XPR1: variants seen among roughly 807,000 people sequenced by gnomAD.
XPR1 encodes the protein solute carrier family 53 member 1.
XPR1 carries 28 observed loss-of-function variants against 87.5 expected under a neutral mutation model. The ratio of observed to expected loss-of-function variants is 0.32; its 90% confidence interval spans 0.24 to 0.44. XPR1 has a LOEUF of 0.44. XPR1 is among the 20% of genes least tolerant of loss of function. XPR1 has a pLI of 1.00. For synonymous variants in XPR1, 300 were observed against 306.1 expected (o/e 0.98, Z 0.21); for missense variants, 559 against 862.3 (o/e 0.65, Z 4.41).
chr1:180,753,029 A>G (rs137929331), intron 2 of XPR1, among the ~76,000 whole-genome samples: 1 of 152,352 alleles, frequency 6.6e-6, no homozygotes, highest in Non-Finnish European at 1.5e-5. Flanking sequence ...TTAGCCATAC[A>G]TCATGTAGAA....
chr1:180,882,765 C>T (rs1177012046), intron 14 of XPR1, among the ~76,000 whole-genome samples: 1 of 152,116 alleles, frequency 6.6e-6, no homozygotes, highest in Admixed American at 6.5e-5. Flanking sequence ...TTTGGGCTCT[C>T]TCACATAACT....
chr1:180,761,539 A>G (rs1648032136), intron 2 of XPR1, among the ~76,000 whole-genome samples: 1 of 152,218 alleles, frequency 6.6e-6, no homozygotes, highest in Non-Finnish European at 1.5e-5. Flanking sequence ...ATCACTGGCC[A>G]TCAGAGAAAT....
chr1:180,816,337 C>G (rs1235476341), intron 7 of XPR1, among the ~76,000 whole-genome samples: 1 of 152,212 alleles, frequency 6.6e-6, no homozygotes, highest in African/African-American at 2.4e-5. Flanking sequence ...TGCCGTTGAT[C>G]TGACAGGAGG....
chr1:180,806,261 A>G, intron 5 of XPR1, 50 bp downstream of exon 5: 1 of 1,589,486 alleles, frequency 6.3e-7, no homozygotes, highest in African/African-American at 1.3e-5. Flanking sequence ...CACGTTTTAT[A>G]TTTAGGGAAG....
chr1:180,753,399 G>A (rs978348331), intron 2 of XPR1, among the ~76,000 whole-genome samples: 3 of 151,766 alleles, frequency 2.0e-5, no homozygotes, highest in South Asian at 2.1e-4. Context: ...ACCCCATCTC[G>A]ACAAAAGTTA....
chr1:180,853,658 CA>C, intron 11 of XPR1, among the ~76,000 whole-genome samples: 1 of 151,868 alleles, frequency 6.6e-6, no homozygotes, highest in East Asian at 1.9e-4. Flanking sequence ...CACACACACA[CA>C]CACACACACC....
chr1:180,680,996 A>C (rs183239896), intron 1 of XPR1, among the ~76,000 whole-genome samples: 15 of 152,336 alleles, frequency 9.8e-5, no homozygotes, highest in African/African-American at 3.4e-4. Flanking sequence ...CATATGTGGA[A>C]CCTAAGAATA....
At chr1:180,677,030 A>G (rs888764098) in intron 1 of XPR1, among the ~76,000 whole-genome samples, 11 of 152,208 alleles carry the variant, frequency 7.2e-5, no homozygotes, top group Non-Finnish European at 1.5e-4. Flanking sequence ...TTGTGACACT[A>G]GAAACCAAAT....
intron 1 of XPR1, among the ~76,000 whole-genome samples, chr1:180,661,317 C>G (rs1655767122): frequency 6.6e-6 from 1 of 151,718 alleles, no homozygotes; most frequent in Admixed American, 6.6e-5. Context: ...TTAACCCATT[C>G]AATCACTCTT....
At chr1:180,798,280 T>G (rs1018617939) in intron 3 of XPR1, among the ~76,000 whole-genome samples, 1 of 151,966 alleles carries the variant, frequency 6.6e-6, no homozygotes, top group Admixed American at 6.6e-5. Context: ...CTTTTACAAA[T>G]GAAAATATAA....
intron 13 of XPR1, among the ~76,000 whole-genome samples, chr1:180,874,418 ACTGG>A (rs1275144271): frequency 2.6e-5 from 4 of 151,912 alleles, no homozygotes; most frequent in Non-Finnish European, 5.9e-5. Flanking sequence ...GGCCAGGTGC[ACTGG>A]CTCACTCCTG....
intron 1 of XPR1, among the ~76,000 whole-genome samples, chr1:180,678,919 G>A (rs765367622): frequency 7.3e-5 from 11 of 150,738 alleles, no homozygotes; most frequent in Admixed American, 1.3e-4. Context: ...GGTTCGGCCC[G>A]GCATGGTGGC....
chr1:180,693,807 A>C (rs1429560829), intron 2 of XPR1, among the ~76,000 whole-genome samples: 1 of 152,224 alleles, frequency 6.6e-6, no homozygotes, highest in African/African-American at 2.4e-5. Flanking sequence ...ACAATCCAGG[A>C]TGATGTCATC....
At chr1:180,882,491 G>A (rs12086559) in intron 14 of XPR1, among the ~76,000 whole-genome samples, 5,916 of 152,030 alleles carry the variant, frequency 0.039, 421 homozygotes, top group African/African-American at 0.13. Flanking sequence ...CAAGTAGTTG[G>A]CACTACACGC....
chr1:180,792,769 CT>C (rs71703635), intron 3 of XPR1, among the ~76,000 whole-genome samples: 6,526 of 150,984 alleles, frequency 0.043, 503 homozygotes, highest in African/African-American at 0.15. Context: ...CGTTAGAAAC[CT>C]TTTTTTTTGT....
At chr1:180,689,579 T>G (rs1656911547) in intron 2 of XPR1, among the ~76,000 whole-genome samples, 1 of 151,996 alleles carries the variant, frequency 6.6e-6, no homozygotes, top group Non-Finnish European at 1.5e-5. Context: ...AAGGGGAAAA[T>G]GAAGACAGAA....
At chr1:180,643,453 C>T (rs1222423262) in intron 1 of XPR1, among the ~76,000 whole-genome samples, 4 of 152,098 alleles carry the variant, frequency 2.6e-5, no homozygotes, top group Admixed American at 2.0e-4. Context: ...AATAGCATAA[C>T]ATTCACTGAA....
At position 180,890,047 on chromosome 1, in the gene XPR1, T is replaced by A. The variant is rs528233049; in HGVS notation, c.*5981T>A. 6.6e-6 allele frequency: 1 copy of A among 152,348 alleles called. No homozygotes were observed. The highest frequency in any genetic ancestry group is 2.1e-4 in the South Asian group (1 of 4,828). The allele number at this position is 152,348 out of a possible 1,614,324, so 9.4% of individuals were successfully genotyped here. A position where few individuals can be genotyped will look rare whatever the true frequency, so the allele number is the denominator to read the frequency against. Reference sequence around the variant, plus strand: ...TGCTATTAGCTGTCTCCTTTTTCCTTCCTATATGGGTAGAATTCTTATGAC... The same window carrying A: ...TGCTATTAGCTGTCTCCTTTTTCCTACCTATATGGGTAGAATTCTTATGAC... On this transcript the variant is annotated 3_prime_UTR_variant, in exon 15 of 15. Transcript: ENST00000367590.
At chr1:180,694,577 A>G (rs1657098475) in intron 2 of XPR1, among the ~76,000 whole-genome samples, 1 of 152,208 alleles carries the variant, frequency 6.6e-6, no homozygotes, top group African/African-American at 2.4e-5. Context: ...TGGGGGAAAC[A>G]AGGACCACAA....
Sources: allele counts gnomAD v4.1 joint callset (sites outside exome capture counted in the v4.1 genomes callset), GRCh38; gene constraint gnomAD v4.1.1; transcripts MANE v1.5; gene names NCBI Gene and HGNC (gene_info 2026-07-23, HGNC 2026-07-21).